Variants in GJC1 observed in about 807,000 individuals in gnomAD.
GJC1 encodes gap junction gamma-1 protein.
In GJC1, 5 loss-of-function variants were observed where a neutral mutation model predicts 29.3. That is an observed-to-expected ratio of 0.17 (90% confidence interval 0.09 to 0.36). The LOEUF (loss-of-function observed/expected upper bound fraction) is 0.36, where lower values mean the gene tolerates loss of function less well. Ranked by LOEUF, GJC1 falls within the 10% of genes least tolerant of loss-of-function variation. The probability of loss-of-function intolerance (pLI) is 1.00; values close to 1 mark genes in which losing one functional copy is unlikely to be tolerated. For missense variants in GJC1, 310 were observed against 496.2 expected (o/e 0.62, Z 3.56); for synonymous variants, 177 against 183.3 (o/e 0.97, Z 0.28).
chr17:44,828,379 C>T (rs955263808), intron 1 of GJC1, among the ~76,000 whole-genome samples: 1 of 152,134 alleles, frequency 6.6e-6, no homozygotes, highest in Non-Finnish European at 1.5e-5. Flanking sequence ...GTCACACAAC[C>T]TCAAAAGTTA....
rs1442278654 is a variant in GJC1 at position 44,803,296 on chromosome 17, A to C, written c.*1331T>G. 1 of 152,218 alleles carries C rather than the reference A, an allele frequency of 6.6e-6. No homozygotes were observed. The highest frequency in any genetic ancestry group is 1.9e-4 in the East Asian group (1 of 5,198). The allele number at this position is 152,218 out of a possible 1,614,324, so 9.4% of individuals were successfully genotyped here. On this transcript the variant is annotated 3_prime_UTR_variant, in exon 3 of 3. Coordinates refer to ENST00000592524, the MANE Select transcript of GJC1 (RefSeq NM_005497.4). ...TTCTCAGAAGCTCACAAAACTTAAG[A>C]CAATGTGAACATGATGAGAAAGCAA...
intron 1 of GJC1, among the ~76,000 whole-genome samples, chr17:44,821,711 A>C (rs1178392193): frequency 3.4e-5 from 5 of 148,426 alleles, no homozygotes; most frequent in Non-Finnish European, 7.5e-5. Flanking sequence ...AAAAAAAAAA[A>C]AAAAAAAAAA....
At chr17:44,821,721 A>C (rs1407537170) in intron 1 of GJC1, among the ~76,000 whole-genome samples, 52 of 133,130 alleles carry the variant, frequency 3.9e-4, no homozygotes, top group South Asian at 7.2e-4. Context: ...AAAAAAAAAA[A>C]AAAACAACAA....
rs35299072 is a variant in GJC1 at position 44,813,484 on chromosome 17, C to CTT, written c.-96-6017_-96-6016dup. ...TTCCCTTTCCTCTCCTTCCAAGTTA[C>CTT]TTTTTTTTTTTTTTTTTTTTTTTTT... On this transcript the variant is annotated intron_variant, in intron 1 of 2. Transcript: ENST00000592524. Among the ~76,000 whole-genome samples the CTT allele has an allele frequency of 9.0e-3, 728 of 80,544 alleles. 12 individuals are homozygous for CTT. Among genetic ancestry groups the CTT allele is most frequent in the African/African-American group, 0.013 (253 of 20,090 alleles). The allele number at this position is 80,544 out of a possible 152,430, so 52.8% of individuals were successfully genotyped here. A position where few individuals can be genotyped will look rare whatever the true frequency, so the allele number is the denominator to read the frequency against.
Position 44,804,890 on chromosome 17 carries a change from C to A in GJC1, c.928G>T (p.Ala310Ser). The A allele has an allele frequency of 6.2e-7, 1 of 1,614,134 alleles. No homozygotes were observed. Among genetic ancestry groups the A allele is most frequent in the Non-Finnish European group, 8.5e-7 (1 of 1,180,010 alleles). Residue 310 changes from alanine to serine, a missense_variant, in exon 3 of 3, where the codon GCC (alanine) becomes TCC (serine). Coordinates refer to ENST00000592524, the MANE Select transcript of GJC1 (RefSeq NM_005497.4). ...GTGTTGGCCTTGTTTTGCTTGTAGG[C>A]GATCTTAGCATTGGACAGTTCGGTG... Reference protein sequence around the residue: ...QYTELSNAKIAYKQNKANTAQ... With the variant: ...QYTELSNAKISYKQNKANTAQ...
intron 1 of GJC1, among the ~76,000 whole-genome samples, chr17:44,823,045 A>G (rs1385951981): frequency 3.9e-5 from 6 of 152,180 alleles, no homozygotes; most frequent in Admixed American, 2.0e-4. Flanking sequence ...AAGGAATGTT[A>G]TAACTCATTA....
intron 1 of GJC1, chr17:44,807,677 ATTCT>A (rs2049927138): frequency 1.3e-5 from 2 of 152,240 alleles, no homozygotes; most frequent in South Asian, 4.1e-4. Context: ...TGACCCAAAG[ATTCT>A]TAAGTCACCA....
At chr17:44,829,284 A>T (rs917711054) in intron 1 of GJC1, among the ~76,000 whole-genome samples, 3 of 152,166 alleles carry the variant, frequency 2.0e-5, no homozygotes, top group Non-Finnish European at 2.9e-5. Context: ...TTTTCAACTC[A>T]GAGCTCCAAA....
At chr17:44,817,419 A>C (rs1040793911) in intron 1 of GJC1, among the ~76,000 whole-genome samples, 1 of 151,660 alleles carries the variant, frequency 6.6e-6, no homozygotes, top group African/African-American at 2.4e-5. Flanking sequence ...ACTGCAAAAG[A>C]AAAGCACAAG....
At chr17:44,794,786 T>G (rs1277546969), downstream of GJC1, 2 of 152,288 alleles carry the variant, frequency 1.3e-5, no homozygotes, top group East Asian at 3.9e-4. Context: ...CAGCCCTCTG[T>G]GATGGCCCCA....
chr17:44,803,173 G>T lies in GJC1; in HGVS notation c.*1454C>A, dbSNP rs1225733157. 6.6e-6 allele frequency: 1 copy of T among 152,162 alleles called. No homozygotes were observed. The highest frequency in any genetic ancestry group is 1.5e-5 in the Non-Finnish European group (1 of 68,040). The allele number at this position is 152,162 out of a possible 1,614,324, so 9.4% of individuals were successfully genotyped here. The stretch of plus-strand genomic sequence containing the variant: ...TCATACTTTCAGAATTTCCAAGTCA[G>T]AGGTGGCTTACAACAGCTTTCATTA... On this transcript the variant is annotated 3_prime_UTR_variant, in exon 3 of 3. Transcript: ENST00000592524.
intron 1 of GJC1, among the ~76,000 whole-genome samples, chr17:44,812,515 AAC>A (rs769200294): frequency 2.6e-4 from 40 of 152,090 alleles, no homozygotes; most frequent in Non-Finnish European, 4.0e-4. Flanking sequence ...AAAACAAACA[AAC>A]ACACACAAAA....
intron 1 of GJC1, among the ~76,000 whole-genome samples, chr17:44,808,796 G>A (rs940951238): frequency 6.6e-6 from 1 of 152,038 alleles, no homozygotes; most frequent in Non-Finnish European, 1.5e-5. Flanking sequence ...GAAGAATCCC[G>A]GCCAAGCACG....
intron 1 of GJC1, among the ~76,000 whole-genome samples, chr17:44,816,283 C>A (rs1429099014): frequency 6.6e-6 from 1 of 151,838 alleles, no homozygotes; most frequent in Non-Finnish European, 1.5e-5. Flanking sequence ...AGACAGAAAC[C>A]AAATGTGCTA....
rs2145280734 is a variant in GJC1 at position 44,799,382 on chromosome 17, T to G, written c.*5245A>C. Reference sequence around the variant, plus strand: ...CACCATGCCCGGCTAATTTTTGTATTTTTAGTAGAGAGGGGGTTTTACCAT... The same window carrying G: ...CACCATGCCCGGCTAATTTTTGTATGTTTAGTAGAGAGGGGGTTTTACCAT... On this transcript the variant is annotated 3_prime_UTR_variant, in exon 3 of 3. Coordinates refer to ENST00000592524, the MANE Select transcript of GJC1 (RefSeq NM_005497.4). 6.6e-6 allele frequency: 1 copy of G among 151,512 alleles called. No individual in the cohort carries two copies. The highest frequency in any genetic ancestry group is 1.5e-5 in the Non-Finnish European group (1 of 67,886). 9.4% of individuals were successfully genotyped at this position (151,512 alleles called of 1,614,324 possible). A position where few individuals can be genotyped will look rare whatever the true frequency, so the allele number is the denominator to read the frequency against.
chr17:44,797,515 T>A (rs1007946218), downstream of GJC1: 2 of 152,166 alleles, frequency 1.3e-5, no homozygotes, highest in African/African-American at 4.8e-5. Context: ...TAACAGCTGC[T>A]TCTGGACCCT....
chr17:44,819,659 A>AAAATAAATAAATAAAT (rs199517100), intron 1 of GJC1, among the ~76,000 whole-genome samples: 3 of 146,174 alleles, frequency 2.1e-5, no homozygotes, highest in African/African-American at 2.5e-5. Context: ...CTCCGTCTCA[A>AAAATAAATAAATAAAT]AAATAAATAA....
At chr17:44,822,264 T>C (rs1690496553) in intron 1 of GJC1, among the ~76,000 whole-genome samples, 1 of 149,696 alleles carries the variant, frequency 6.7e-6, no homozygotes, top group Non-Finnish European at 1.5e-5. Context: ...TAATGGAATA[T>C]TGTACAACCA....
intron 1 of GJC1, among the ~76,000 whole-genome samples, chr17:44,823,135 G>A (rs917764415): frequency 4.6e-5 from 7 of 151,858 alleles, no homozygotes; most frequent in Non-Finnish European, 1.0e-4. Context: ...ACTATTGGGA[G>A]TTGAATATAG....
Sources: gnomAD v4.1 joint callset for allele counts (sites outside exome capture counted in the v4.1 genomes callset) on GRCh38, gnomAD v4.1.1 for gene constraint, MANE v1.5 for transcripts, NCBI Gene and HGNC (gene_info 2026-07-23, HGNC 2026-07-21) for gene names.